Variants in DYNC1LI1 observed in about 807,000 individuals in gnomAD.
DYNC1LI1 encodes cytoplasmic dynein 1 light intermediate chain 1.
In DYNC1LI1, 19 loss-of-function variants were observed where a neutral mutation model predicts 63.8. The observed-to-expected ratio is 0.30, with a 90% CI of 0.21 to 0.44. The LOEUF is 0.44. Ranked by LOEUF, DYNC1LI1 falls within the 20% of genes least tolerant of loss-of-function variation. DYNC1LI1 has a pLI of 1.00. For missense variants in DYNC1LI1, 565 were observed against 630.2 expected (o/e 0.90, Z 1.11); for synonymous variants, 225 against 232.3 (o/e 0.97, Z 0.28).
At chr3:32,545,753 G>A (rs892115382) in intron 3 of DYNC1LI1, 96 bp downstream of exon 3, 2 of 835,368 alleles carry the variant, frequency 2.4e-6, no homozygotes, top group Non-Finnish European at 4.1e-6. Context: ...AGAACTTCTA[G>A]TAAAAAATTA....
intron 2 of DYNC1LI1, among the ~76,000 whole-genome samples, chr3:32,548,614 G>C (rs1022830490): frequency 9.9e-5 from 15 of 152,176 alleles, no homozygotes; most frequent in African/African-American, 3.1e-4. Context: ...GTTGGGGAGA[G>C]AGATGTTGGT....
At chr3:32,541,261 T>C in intron 4 of DYNC1LI1, 55 bp from the exon 5 acceptor site, 1 of 1,187,568 alleles carries the variant, frequency 8.4e-7, no homozygotes, top group South Asian at 1.6e-5. Flanking sequence ...CAGGTAACTT[T>C]TCTTGCCATA....
At chr3:32,561,993 G>T (rs1698201265) in intron 2 of DYNC1LI1, among the ~76,000 whole-genome samples, 1 of 152,106 alleles carries the variant, frequency 6.6e-6, no homozygotes, top group South Asian at 2.1e-4. Context: ...ACATGACCTG[G>T]TGTGTTAATA....
At chr3:32,531,932 C>T (rs1016602414) in intron 8 of DYNC1LI1, 8 of 151,944 alleles carry the variant, frequency 5.3e-5, no homozygotes, top group Admixed American at 5.2e-4. Flanking sequence ...TCTGAAAATC[C>T]AAAATGTTTC....
chr3:32,558,839 T>C (rs1425743598), intron 2 of DYNC1LI1, among the ~76,000 whole-genome samples: 4 of 139,410 alleles, frequency 2.9e-5, no homozygotes, highest in African/African-American at 1.1e-4. Context: ...AGAGCAAAAC[T>C]CCATCTCAAA....
rs528504002 is a variant in DYNC1LI1 at position 32,528,461 on chromosome 3, A to G, written c.1447T>C (p.Ser483Pro). 2 of 1,614,158 alleles carry G rather than the reference A, an allele frequency of 1.2e-6. No individual in the cohort carries two copies. The highest frequency in any genetic ancestry group is 2.7e-5 in the African/African-American group (2 of 75,052). ...AGGGSSGLPP[S>P]TKKSGQKPVL... ...ATAAGCATACCTGACTTTTTGGTGG[A>G]TGGTGGTAAACCACTGCTTCCACCT... is the stretch of plus-strand genomic sequence containing the variant. Residue 483 changes from serine (S) to proline (P), a missense_variant, in exon 12 of 13, where the codon TCC (serine) becomes CCC (proline). Physicochemically the swap from Ser to Pro is moderately conservative, Grantham distance 74. Coordinates refer to ENST00000273130, the MANE Select transcript of DYNC1LI1 (RefSeq NM_016141.4).
intron 2 of DYNC1LI1, among the ~76,000 whole-genome samples, chr3:32,547,831 T>G (rs910609649): frequency 6.6e-6 from 1 of 152,156 alleles, no homozygotes; most frequent in Non-Finnish European, 1.5e-5. Context: ...TTATTCACAA[T>G]AGCCAAGATA....
chr3:32,552,764 G>T (rs1698061806), intron 2 of DYNC1LI1, among the ~76,000 whole-genome samples: 1 of 152,080 alleles, frequency 6.6e-6, no homozygotes, highest in African/African-American at 2.4e-5. Context: ...GGAGTGCAGG[G>T]GTGCGATCTT....
chr3:32,530,385 T>C, intron 9 of DYNC1LI1, 57 bp from the exon 10 acceptor site: 1 of 1,603,028 alleles, frequency 6.2e-7, no homozygotes, highest in South Asian at 1.1e-5. Flanking sequence ...TATACTGGTG[T>C]ATTTTTAAAG....
chr3:32,535,139 C>T (rs1335577972), intron 6 of DYNC1LI1, among the ~76,000 whole-genome samples: 1 of 152,070 alleles, frequency 6.6e-6, no homozygotes, highest in Non-Finnish European at 1.5e-5. Context: ...GCAAAAGAAA[C>T]CCAATGTTGA....
chr3:32,543,403 T>C (rs954222310), intron 4 of DYNC1LI1, among the ~76,000 whole-genome samples: 1 of 147,528 alleles, frequency 6.8e-6, no homozygotes, highest in African/African-American at 2.5e-5. Flanking sequence ...CCTTTCTTTT[T>C]TTTTTTTTTT....
intron 6 of DYNC1LI1, among the ~76,000 whole-genome samples, chr3:32,534,934 A>G (rs1420298491): frequency 2.6e-5 from 4 of 152,240 alleles, no homozygotes; most frequent in Admixed American, 2.6e-4. Flanking sequence ...GACTACTTCT[A>G]TATTTAAAGC....
At chr3:32,568,753 G>C (rs1266009425) in intron 2 of DYNC1LI1, among the ~76,000 whole-genome samples, 1 of 152,032 alleles carries the variant, frequency 6.6e-6, no homozygotes, top group Non-Finnish European at 1.5e-5. Flanking sequence ...TATAAAATAA[G>C]AACAAAACTA....
Position 32,537,874 on chromosome 3 carries a change from T to TATATATATATATAATTTATATATATA in DYNC1LI1, c.739-796_739-771dup, listed in dbSNP as rs1480063572. Among the ~76,000 whole-genome samples, 144 of 88,494 alleles carry TATATATATATATAATTTATATATATA rather than the reference T, an allele frequency of 1.6e-3. 14 individuals carry two copies. The highest frequency in any genetic ancestry group is 2.4e-3 in the Non-Finnish European group (116 of 49,102). 58.1% of individuals were successfully genotyped at this position (88,494 alleles called of 152,430 possible). A position where few individuals can be genotyped will look rare whatever the true frequency, so the allele number is the denominator to read the frequency against. On this transcript the variant is annotated intron_variant, in intron 5 of 12. Coordinates refer to ENST00000273130, the MANE Select transcript of DYNC1LI1 (RefSeq NM_016141.4). The stretch of plus-strand genomic sequence containing the variant: ...TCTGCTATGTAATTTTTTTGTTACA[T>TATATATATATATAATTTATATATATA]ATATATATATATAATTTATATATAT...
chr3:32,560,774 CAGGCAGATCACCTA>C (rs914432920), intron 2 of DYNC1LI1, among the ~76,000 whole-genome samples: 2 of 151,816 alleles, frequency 1.3e-5, no homozygotes, highest in African/African-American at 2.4e-5. Flanking sequence ...GAGGATGAGG[CAGGCAGATCACCTA>C]AGGTCGGGAG....
intron 2 of DYNC1LI1, among the ~76,000 whole-genome samples, chr3:32,558,568 G>A (rs959329792): frequency 5.3e-5 from 8 of 152,024 alleles, no homozygotes; most frequent in Non-Finnish European, 8.8e-5. Context: ...ACAGGGGGCC[G>A]GGAGCGGTGG....
rs1038293681 is a variant in DYNC1LI1, at chr3:32,526,789, T to A, written c.*10A>T. 11 of 1,580,146 alleles carry A rather than the reference T, an allele frequency of 7.0e-6. No homozygotes were observed. In the South Asian group the frequency reaches 1.2e-4, roughly 18 times the overall value. On this transcript the variant is annotated 3_prime_UTR_variant, in exon 13 of 13. Transcript: ENST00000273130. ...CCAGAAAACAGAATAAATGGCTTTA[T>A]TTGGTATCTTCAAGAAGCTTCTCCT...
intron 3 of DYNC1LI1, 27 bp downstream of exon 3, chr3:32,545,822 G>T: frequency 6.6e-7 from 1 of 1,515,802 alleles, no homozygotes; most frequent in Non-Finnish European, 9.2e-7. Flanking sequence ...ATAGACTTCA[G>T]AAATTTATGT....
chr3:32,567,116 AAG>A (rs1469098440), intron 2 of DYNC1LI1, among the ~76,000 whole-genome samples: 4 of 152,196 alleles, frequency 2.6e-5, no homozygotes, highest in Non-Finnish European at 5.9e-5. Flanking sequence ...TTTGAGTAGA[AAG>A]AGTTTTGTAC....
Sources: gnomAD v4.1 joint callset for allele counts (sites outside exome capture counted in the v4.1 genomes callset) on GRCh38, gnomAD v4.1.1 for gene constraint, MANE v1.5 for transcripts, NCBI Gene and HGNC (gene_info 2026-07-23, HGNC 2026-07-21) for gene names.